CEP95: variants seen among roughly 807,000 people sequenced by gnomAD.
The protein encoded by CEP95 is centrosomal protein 95, also known as centrosomal protein of 95 kDa.
In CEP95, 98 loss-of-function variants were observed where a neutral mutation model predicts 111.2. The ratio of observed to expected loss-of-function variants is 0.88; its 90% CI spans 0.75 to 1.04. The LOEUF (loss-of-function observed/expected upper bound fraction) is 1.04. Among genes scored for constraint, CEP95 ranks in the 50% least tolerant of loss-of-function variants. The pLI, the probability that CEP95 is intolerant of heterozygous loss-of-function variation, is 0.00. For synonymous variants in CEP95, 323 were observed against 327.1 expected (o/e 0.99, Z 0.14); for missense variants, 1,027 against 977.2 (o/e 1.05, Z -0.68).
At position 64,530,869 on chromosome 17, in the gene CEP95, G is replaced by T. The variant is rs537479588; in HGVS notation, c.1447-57G>T. The T allele has an allele frequency of 1.2e-3, 1,237 of 1,000,906 alleles. 9 individuals are homozygous for T. In the African/African-American group the frequency reaches 0.018, roughly 15 times the overall value. 62.0% of individuals were successfully genotyped at this position (1,000,906 alleles called of 1,614,324 possible). On this transcript the variant is annotated intron_variant, in intron 12 of 19. Transcript: ENST00000556440. The stretch of plus-strand genomic sequence containing the variant: ...AGGTGCTTTAACCAGCTAAGCCATG[G>T]TGCTGCCCGTTGTGTATGTTTTTAA...
chr17:64,533,142 ACCT>A lies in CEP95; in HGVS notation c.1872_1874del (p.Leu625del). Reference sequence around the variant, plus strand: ...ATAGAAGAAGCCCTAAGAAGGCATGACCTCCTTACTACCCTTGTCAAGAAAGAA... The same window carrying A: ...ATAGAAGAAGCCCTAAGAAGGCATGACCTTACTACCCTTGTCAAGAAAGAA... On this transcript the variant is annotated inframe_deletion, in exon 16 of 20. Transcript: ENST00000556440. 1.9e-6 allele frequency: 3 copies of A among 1,602,108 alleles called. No individual in the cohort carries two copies. Among genetic ancestry groups the A allele is most frequent in the Non-Finnish European group, 2.5e-6 (3 of 1,176,904 alleles).
At chr17:64,521,660 G>GT (rs1245370101) in intron 7 of CEP95, 133 bp downstream of exon 7, 1 of 721,876 alleles carries the variant, frequency 1.4e-6, no homozygotes, top group Admixed American at 3.7e-5. Context: ...ACTTGTAAAT[G>GT]TTTGCTATTA....
At chr17:64,509,952 G>C (rs922883927) in intron 2 of CEP95, among the ~76,000 whole-genome samples, 4 of 151,914 alleles carry the variant, frequency 2.6e-5, no homozygotes, top group Non-Finnish European at 5.9e-5. Context: ...TATTCAACCA[G>C]TCTAATATTG....
intron 13 of CEP95, among the ~76,000 whole-genome samples, chr17:64,531,368 T>C (rs1452251454): frequency 6.6e-6 from 1 of 152,230 alleles, no homozygotes; most frequent in South Asian, 2.1e-4. Context: ...TAGTTGGCTA[T>C]AGACCTGGTT....
intron 7 of CEP95, 24 bp from the exon 8 acceptor site, chr17:64,522,678 A>G (rs375579785): frequency 4.4e-6 from 7 of 1,579,646 alleles, no homozygotes; most frequent in African/African-American, 4.1e-5. Context: ...GCATCGTAAT[A>G]TCCACTTTAA....
intron 3 of CEP95, among the ~76,000 whole-genome samples, chr17:64,512,300 G>A (rs2038937821): frequency 1.3e-5 from 2 of 152,178 alleles, no homozygotes; most frequent in African/African-American, 4.8e-5. Flanking sequence ...TTCCAACAAA[G>A]GGAACCTCAG....
At chr17:64,526,885 A>C (rs1462196534) in intron 10 of CEP95, among the ~76,000 whole-genome samples, 1 of 152,338 alleles carries the variant, frequency 6.6e-6, no homozygotes, top group Non-Finnish European at 1.5e-5. Flanking sequence ...ACTGGAACCC[A>C]GTAGGCAGAG....
At chr17:64,533,284 T>A in intron 16 of CEP95, 93 bp downstream of exon 16, 1 of 997,714 alleles carries the variant, frequency 1.0e-6, no homozygotes, top group Non-Finnish European at 1.5e-6. Context: ...CACAGACCCT[T>A]AACCTCTTAA....
rs1555674541 is a variant in CEP95 at position 64,510,288 on chromosome 17, T to G, written c.256+8T>G. 1.4e-6 allele frequency: 2 copies of G among 1,446,868 alleles called. No individual in the cohort carries two copies. The highest frequency in any genetic ancestry group is 2.8e-5 in the African/African-American group (2 of 71,624). The allele number at this position is 1,446,868 out of a possible 1,614,324, so 89.6% of individuals were successfully genotyped here. ...GCTTGTCTCACATAACAGGTTGGTA[T>G]ATGTATAACTATCACATAATTATGC... On this transcript the variant is annotated splice_region_variant and intron_variant, in intron 3 of 19. Coordinates refer to ENST00000556440, the MANE Select transcript of CEP95 (RefSeq NM_138363.3).
upstream of CEP95, chr17:64,506,855 C>T: frequency 4.9e-6 from 3 of 615,288 alleles, no homozygotes; most frequent in South Asian, 1.9e-5. Context: ...TTTTGGTCGG[C>T]GGAGAATGGT....
chr17:64,533,661 T>C (rs908964486), intron 16 of CEP95, among the ~76,000 whole-genome samples: 1 of 152,142 alleles, frequency 6.6e-6, no homozygotes, highest in Non-Finnish European at 1.5e-5. Flanking sequence ...CTAGGTACTT[T>C]ATATACACAG....
chr17:64,513,979 A>G (rs1435966003), intron 3 of CEP95, among the ~76,000 whole-genome samples: 3 of 152,312 alleles, frequency 2.0e-5, no homozygotes, highest in African/African-American at 7.2e-5. Flanking sequence ...AAAGGAAGGA[A>G]TATGCCAGTG....
intron 14 of CEP95, 88 bp from the exon 15 acceptor site, chr17:64,532,751 C>T: frequency 6.7e-7 from 1 of 1,491,944 alleles, no homozygotes; most frequent in Non-Finnish European, 8.9e-7. Flanking sequence ...AAAACCACAT[C>T]ACTTACATAA....
rs9913281 is a variant in CEP95, at chr17:64,523,152, C to T, written c.909+257C>T. On this transcript the variant is annotated intron_variant, in intron 8 of 19. Transcript: ENST00000556440. ...TTGTTCTAGGAAGATAGGAGAAAAA[C>T]GAATGCATATAAAGGGAAATAATAA... Among the ~76,000 whole-genome samples the T allele has an allele frequency of 8.0e-3, 1,213 of 152,194 alleles. 18 individuals are homozygous for T. Among genetic ancestry groups the T allele is most frequent in the African/African-American group, 0.028 (1,150 of 41,536 alleles).
chr17:64,514,499 A>C (rs1555675946), intron 4 of CEP95, 141 bp downstream of exon 4: 2 of 529,290 alleles, frequency 3.8e-6, no homozygotes, highest in East Asian at 2.9e-5. Flanking sequence ...TAAATTTCAA[A>C]TTCTTATTGT....
intron 7 of CEP95, 98 bp downstream of exon 7, chr17:64,521,625 A>G (rs1391671144): frequency 1.8e-6 from 2 of 1,103,880 alleles, no homozygotes; most frequent in Non-Finnish European, 1.3e-6. Flanking sequence ...TGTATATGAG[A>G]TCCTTTTTGG....
chr17:64,513,689 TGAG>T (rs1478880193), intron 3 of CEP95, among the ~76,000 whole-genome samples: 2 of 152,106 alleles, frequency 1.3e-5, no homozygotes, highest in South Asian at 2.1e-4. Flanking sequence ...CTATACAAAA[TGAG>T]GAGTTAACAA....
intron 5 of CEP95, 59 bp downstream of exon 5, chr17:64,516,887 T>A: frequency 2.0e-6 from 2 of 983,832 alleles, no homozygotes; most frequent in Non-Finnish European, 3.2e-6. Flanking sequence ...GACTAAGAAT[T>A]AAAATCACAC....
chr17:64,523,793 A>G (rs1007988450), intron 8 of CEP95, among the ~76,000 whole-genome samples: 15 of 152,178 alleles, frequency 9.9e-5, no homozygotes, highest in African/African-American at 3.4e-4. Context: ...TTAGCTACTT[A>G]GTAGGCTGAG....
Sources: gnomAD v4.1 joint callset for allele counts (sites outside exome capture counted in the v4.1 genomes callset) on GRCh38, gnomAD v4.1.1 for gene constraint, MANE v1.5 for transcripts, NCBI Gene and HGNC (gene_info 2026-07-23, HGNC 2026-07-21) for gene names.